The following PFDN1 variants were observed in gnomAD, a reference collection of about 807,000 sequenced individuals.
PFDN1 encodes prefoldin subunit 1.
A neutral mutation model predicts 17.3 loss-of-function variants in PFDN1; 6 were observed. That is an observed-to-expected ratio of 0.35 (90% CI 0.19 to 0.69). The LOEUF is 0.69. PFDN1 is among the 30% of genes least tolerant of loss of function. PFDN1 has a pLI of 0.65. For synonymous variants in PFDN1, 58 were observed against 50.1 expected (o/e 1.16, Z -0.67); for missense variants, 113 against 146.2 (o/e 0.77, Z 1.17).
At chr5:140,261,828 C>T (rs964245304) in intron 3 of PFDN1, among the ~76,000 whole-genome samples, 1 of 151,988 alleles carries the variant, frequency 6.6e-6, no homozygotes, top group Non-Finnish European at 1.5e-5. Flanking sequence ...TCATAGCTCT[C>T]GGTGTTCTGA....
intron 2 of PFDN1, among the ~76,000 whole-genome samples, chr5:140,297,555 A>C (rs900700874): frequency 2.6e-5 from 4 of 152,232 alleles, no homozygotes; most frequent in Non-Finnish European, 5.9e-5. Flanking sequence ...AATTTAAAAC[A>C]GAAGTCTGAA....
intron 2 of PFDN1, among the ~76,000 whole-genome samples, chr5:140,286,600 G>C (rs201984452): frequency 3.3e-4 from 3 of 9,154 alleles, no homozygotes; most frequent in African/African-American, 9.1e-4. Flanking sequence ...TTTTTTGCGG[G>C]GGGGGGGGGG....
intron 3 of PFDN1, among the ~76,000 whole-genome samples, chr5:140,276,774 C>G (rs1237301003): frequency 2.0e-5 from 2 of 97,862 alleles, no homozygotes; most frequent in East Asian, 5.7e-4. Flanking sequence ...GAGTGAGACA[C>G]CGTCTCAAAA....
chr5:140,278,557 C>CAAAAAAAAAAAAAAAAAAAAAA (rs113129230), intron 3 of PFDN1, among the ~76,000 whole-genome samples: 1 of 79,014 alleles, frequency 1.3e-5, no homozygotes, highest in Non-Finnish European at 2.3e-5. Flanking sequence ...GACTCTGTCT[C>CAAAAAAAAAAAAAAAAAAAAAA]AAAAAAAAAA....
At chr5:140,290,960 T>C (rs1044119500) in intron 2 of PFDN1, among the ~76,000 whole-genome samples, 5 of 152,022 alleles carry the variant, frequency 3.3e-5, no homozygotes, top group Admixed American at 2.0e-4. Flanking sequence ...TAAGTGTGGG[T>C]GCTGGTTAGG....
intron 3 of PFDN1, among the ~76,000 whole-genome samples, chr5:140,268,128 C>T (rs1362115602): frequency 2.0e-5 from 3 of 152,118 alleles, no homozygotes; most frequent in African/African-American, 4.8e-5. Context: ...GAAAGCAAGA[C>T]AAAGTGAGCT....
intron 3 of PFDN1, among the ~76,000 whole-genome samples, chr5:140,247,205 T>C (rs893226838): frequency 5.9e-5 from 9 of 152,152 alleles, no homozygotes; most frequent in Admixed American, 5.9e-4. Context: ...CACGGTTCAC[T>C]GTAGCCTCTA....
chr5:140,300,357 T>C, intron 2 of PFDN1, 59 bp downstream of exon 2: 1 of 1,292,234 alleles, frequency 7.7e-7, no homozygotes, highest in Non-Finnish European at 1.1e-6. Context: ...GAACAAATTC[T>C]ATTTAACTCG....
chr5:140,258,618 A>G (rs1460482193), intron 3 of PFDN1, among the ~76,000 whole-genome samples: 4 of 152,226 alleles, frequency 2.6e-5, no homozygotes, highest in Admixed American at 1.3e-4. Context: ...AGGAAAATCA[A>G]CAAGAGGACT....
At chr5:140,285,102 T>C (rs1169103927) in intron 2 of PFDN1, among the ~76,000 whole-genome samples, 4 of 152,196 alleles carry the variant, frequency 2.6e-5, no homozygotes, top group African/African-American at 4.8e-5. Context: ...CCTAGACATA[T>C]GCTATTCAGA....
At chr5:140,266,912 T>C (rs1229824364) in intron 3 of PFDN1, among the ~76,000 whole-genome samples, 1 of 152,260 alleles carries the variant, frequency 6.6e-6, no homozygotes, top group Non-Finnish European at 1.5e-5. Context: ...AAAGCAGAGC[T>C]TTATGCTGCA....
At chr5:140,288,267 C>G (rs1318363062) in intron 2 of PFDN1, among the ~76,000 whole-genome samples, 1 of 152,124 alleles carries the variant, frequency 6.6e-6, no homozygotes, top group Non-Finnish European at 1.5e-5. Context: ...CACAGAGGAG[C>G]CTTAAATGCA....
intron 3 of PFDN1, among the ~76,000 whole-genome samples, chr5:140,273,141 A>G (rs955045565): frequency 6.6e-6 from 1 of 150,936 alleles, no homozygotes; most frequent in African/African-American, 2.4e-5. Flanking sequence ...GCTACTCAGG[A>G]GGTTGAGGCA....
intron 3 of PFDN1, among the ~76,000 whole-genome samples, chr5:140,265,156 G>T (rs1765118230): frequency 6.6e-6 from 1 of 152,008 alleles, no homozygotes; most frequent in Non-Finnish European, 1.5e-5. Context: ...TGCGACTCAG[G>T]TCTAACAGAA....
At chr5:140,289,916 C>T (rs1375455036) in intron 2 of PFDN1, among the ~76,000 whole-genome samples, 1 of 152,144 alleles carries the variant, frequency 6.6e-6, no homozygotes, top group Non-Finnish European at 1.5e-5. Context: ...TATTCCACTT[C>T]CACCACCTTA....
intron 2 of PFDN1, 143 bp downstream of exon 2, chr5:140,300,273 C>T (rs1765722561): frequency 1.7e-6 from 1 of 602,084 alleles, no homozygotes; most frequent in Non-Finnish European, 2.9e-6. Context: ...AAGTGATCCA[C>T]TCGCCTCGAC....
intron 3 of PFDN1, among the ~76,000 whole-genome samples, chr5:140,262,032 T>C (rs1765072557): frequency 6.6e-6 from 1 of 152,086 alleles, no homozygotes; most frequent in African/African-American, 2.4e-5. Context: ...TGCTAATAGC[T>C]CTGATCTAAT....
intron 2 of PFDN1, among the ~76,000 whole-genome samples, chr5:140,287,386 G>C (rs1467993031): frequency 6.6e-6 from 1 of 152,210 alleles, no homozygotes; most frequent in Non-Finnish European, 1.5e-5. Flanking sequence ...ACATACACAT[G>C]AATTAGTAGC....
chr5:140,279,102 T>C (rs925945663), intron 3 of PFDN1, among the ~76,000 whole-genome samples: 11 of 152,170 alleles, frequency 7.2e-5, no homozygotes, highest in Non-Finnish European at 1.2e-4. Flanking sequence ...ACAGTATATA[T>C]AGCATAATTC....
Sources: allele counts gnomAD v4.1 joint callset (sites outside exome capture counted in the v4.1 genomes callset), GRCh38; gene constraint gnomAD v4.1.1; transcripts MANE v1.5; gene names NCBI Gene and HGNC (gene_info 2026-07-23, HGNC 2026-07-21).